PLEKHA7: variants seen among roughly 807,000 people sequenced by gnomAD.
PLEKHA7 encodes pleckstrin homology domain-containing family A member 7.
A neutral mutation model predicts 170.0 loss-of-function variants in PLEKHA7; 104 were observed. That is an observed-to-expected ratio of 0.61 (90% CI 0.52 to 0.72). The LOEUF (loss-of-function observed/expected upper bound fraction) is 0.72, where lower values mean the gene tolerates loss of function less well. PLEKHA7 is among the 30% of genes least tolerant of loss of function. The probability of loss-of-function intolerance (pLI) is 0.00; values close to 1 mark genes in which losing one functional copy is unlikely to be tolerated. For missense variants in PLEKHA7, 1,615 were observed against 1,671.7 expected (o/e 0.97, Z 0.59); for synonymous variants, 648 against 660.8 (o/e 0.98, Z 0.30).
intron 3 of PLEKHA7, among the ~76,000 whole-genome samples, chr11:16,982,605 T>C (rs1469279290): frequency 6.6e-6 from 1 of 152,148 alleles, no homozygotes. Context: ...TAGGCCAATG[T>C]GAAACCCGTG....
intron 3 of PLEKHA7, among the ~76,000 whole-genome samples, chr11:16,926,545 A>C (rs949247155): frequency 6.6e-6 from 1 of 152,200 alleles, no homozygotes; most frequent in African/African-American, 2.4e-5. Flanking sequence ...GGTAATTACC[A>C]TTGTTGCGAG....
chr11:16,940,253 A>G (rs1035916398), intron 3 of PLEKHA7, among the ~76,000 whole-genome samples: 1 of 150,734 alleles, frequency 6.6e-6, no homozygotes. Flanking sequence ...GTAAGGGAAG[A>G]GAAGTATCTC....
intron 3 of PLEKHA7, among the ~76,000 whole-genome samples, chr11:16,901,635 A>T (rs915054665): frequency 6.6e-6 from 1 of 152,192 alleles, no homozygotes; most frequent in Non-Finnish European, 1.5e-5. Context: ...TTGGGAGGCC[A>T]AGGCCGGAAG....
At chr11:16,872,404 AT>A (rs1214003756) in intron 3 of PLEKHA7, among the ~76,000 whole-genome samples, 1 of 152,212 alleles carries the variant, frequency 6.6e-6, no homozygotes, top group African/African-American at 2.4e-5. Context: ...ATTGAGAGTG[AT>A]TTTAGTGTAT....
At chr11:16,847,717 C>CT (rs1221265499) in intron 8 of PLEKHA7, among the ~76,000 whole-genome samples, 1 of 152,028 alleles carries the variant, frequency 6.6e-6, no homozygotes, top group Non-Finnish European at 1.5e-5. Flanking sequence ...TGGCAGGTGC[C>CT]TGTAATCCCA....
At chr11:16,898,902 G>A (rs1565089748) in intron 3 of PLEKHA7, among the ~76,000 whole-genome samples, 1 of 152,112 alleles carries the variant, frequency 6.6e-6, no homozygotes, top group Non-Finnish European at 1.5e-5. Flanking sequence ...TACTCTGATA[G>A]GACTTTCATG....
chr11:16,827,915 A>G (rs1850789722), intron 9 of PLEKHA7, among the ~76,000 whole-genome samples: 2 of 151,836 alleles, frequency 1.3e-5, no homozygotes, highest in African/African-American at 4.8e-5. Context: ...ACATGAGAGT[A>G]CATAATAGAA....
In PLEKHA7 at chr11:16,855,849, G is replaced by A. The variant is rs771664796; in HGVS notation, c.371C>T (p.Ser124Phe). ...CAGGGTGGAGGCGGTCCCAGCCGTG[G>A]ATGTTTCACTGACCATGCTGGACGG... The part of the protein sequence containing the change: ...QRPSSMVSET[S>F]TAGTASTLEA... The change falls in exon 5 of 27, where the codon TCC becomes TTC. Residue 124 changes from serine to phenylalanine, a missense_variant. Transcript: ENST00000531066. 5 of 1,614,174 alleles carry A rather than the reference G, an allele frequency of 3.1e-6. No individual in the cohort carries two copies. Among genetic ancestry groups the A allele is most frequent in the Non-Finnish European group, 2.5e-6 (3 of 1,180,014 alleles).
intron 3 of PLEKHA7, among the ~76,000 whole-genome samples, chr11:16,946,229 T>C (rs1032069636): frequency 6.6e-6 from 1 of 152,226 alleles, no homozygotes; most frequent in East Asian, 1.9e-4. Context: ...ATGGCGTCCA[T>C]GCCAGCCCAT....
intron 3 of PLEKHA7, among the ~76,000 whole-genome samples, chr11:17,003,172 G>A (rs571170306): frequency 2.0e-5 from 3 of 152,172 alleles, no homozygotes; most frequent in East Asian, 3.9e-4. Flanking sequence ...GATATTTTTA[G>A]TAGAGATGGG....
At chr11:16,866,823 C>T (rs1028588637) in intron 4 of PLEKHA7, among the ~76,000 whole-genome samples, 4 of 152,082 alleles carry the variant, frequency 2.6e-5, no homozygotes, top group African/African-American at 4.8e-5. Flanking sequence ...TTATTTCTTT[C>T]GTTTATGCCT....
intron 3 of PLEKHA7, among the ~76,000 whole-genome samples, chr11:16,993,120 T>G (rs1864143571): frequency 6.6e-6 from 1 of 152,032 alleles, no homozygotes; most frequent in African/African-American, 2.4e-5. Context: ...CACATTCCTA[T>G]CAGGCTCAGT....
intron 3 of PLEKHA7, among the ~76,000 whole-genome samples, chr11:16,888,025 A>C (rs969755431): frequency 6.8e-6 from 1 of 146,204 alleles, no homozygotes; most frequent in Non-Finnish European, 1.5e-5. Flanking sequence ...GGATGTGAGG[A>C]GCGCCTCTGC....
intron 9 of PLEKHA7, among the ~76,000 whole-genome samples, chr11:16,828,976 C>T (rs773992462): frequency 6.6e-6 from 1 of 152,102 alleles, no homozygotes; most frequent in African/African-American, 2.4e-5. Flanking sequence ...CCAGATATCT[C>T]TTTGGATTTT....
At chr11:16,781,207 G>T (rs1315175909) in intron 26 of PLEKHA7, 2 of 158,814 alleles carry the variant, frequency 1.3e-5, no homozygotes, top group Non-Finnish European at 2.7e-5. Flanking sequence ...CACGGGGCCT[G>T]GTGGGGAACC....
At chr11:16,980,480 C>T (rs548716280) in intron 3 of PLEKHA7, among the ~76,000 whole-genome samples, 2 of 152,338 alleles carry the variant, frequency 1.3e-5, no homozygotes, top group South Asian at 2.1e-4. Context: ...GATCCACAGC[C>T]GCCTCCCACA....
intron 13 of PLEKHA7, 131 bp downstream of exon 13, chr11:16,812,982 G>T: frequency 1.5e-6 from 1 of 662,850 alleles, no homozygotes. Flanking sequence ...ATTCAAGATG[G>T]GAGACATATT....
intron 3 of PLEKHA7, among the ~76,000 whole-genome samples, chr11:16,948,665 CA>C (rs66466252): frequency 0.47 from 71,260 of 151,916 alleles, 17,689 homozygotes; most frequent in East Asian, 0.74. Context: ...CACACACACA[CA>C]CACACACAGA....
intron 3 of PLEKHA7, among the ~76,000 whole-genome samples, chr11:16,878,614 G>C (rs1385472158): frequency 6.6e-6 from 1 of 152,114 alleles, no homozygotes; most frequent in East Asian, 1.9e-4. Flanking sequence ...CCGGATATTT[G>C]AGATGGAGTC....
Sources: allele counts gnomAD v4.1 joint callset (sites outside exome capture counted in the v4.1 genomes callset), GRCh38; gene constraint gnomAD v4.1.1; transcripts MANE v1.5; gene names NCBI Gene and HGNC (gene_info 2026-07-23, HGNC 2026-07-21).